The following MAGI1 variants were observed in gnomAD, a reference collection of about 807,000 sequenced individuals.
MAGI1 encodes membrane-associated guanylate kinase, WW and PDZ domain-containing protein 1.
A neutral mutation model predicts 139.9 loss-of-function variants in MAGI1; 58 were observed. The ratio of observed to expected loss-of-function variants is 0.41; its 90% CI spans 0.34 to 0.52. MAGI1 has a LOEUF of 0.52. MAGI1 is among the 20% of genes least tolerant of loss of function. The probability of loss-of-function intolerance (pLI) is 0.12; values close to 1 mark genes in which losing one functional copy is unlikely to be tolerated. For missense variants in MAGI1, 1,874 were observed against 1,901.6 expected (o/e 0.99, Z 0.27); for synonymous variants, 812 against 737.9 (o/e 1.10, Z -1.63).
At chr3:66,015,499 T>C (rs2107526016) in intron 1 of MAGI1, among the ~76,000 whole-genome samples, 1 of 152,258 alleles carries the variant, frequency 6.6e-6, no homozygotes, top group Middle Eastern at 3.4e-3. Flanking sequence ...CTCAATTTCC[T>C]ACTCTCAAAA....
chr3:65,956,003 C>T (rs1001758117), intron 1 of MAGI1, among the ~76,000 whole-genome samples: 2 of 151,982 alleles, frequency 1.3e-5, no homozygotes. Flanking sequence ...AGCCCTGGGC[C>T]GAAGGAGTGT....
At chr3:65,593,967 T>A (rs777227147) in intron 2 of MAGI1, among the ~76,000 whole-genome samples, 14 of 152,146 alleles carry the variant, frequency 9.2e-5, no homozygotes, top group Non-Finnish European at 1.5e-5. Flanking sequence ...GCCTGATGAG[T>A]CACTTTCAAG....
In MAGI1 at chr3:65,621,960, C is replaced by CCGACTACTTA; in HGVS notation, c.430+11_430+12insTAAGTAGTCG. On this transcript the variant is annotated intron_variant, in intron 2 of 22. Transcript: ENST00000402939. ...ACACACAGCAGTGAGATGCCAAAGT[C>CCGACTACTTA]CAACTACTTACAAGGCACAGCATGG... The CCGACTACTTA allele has an allele frequency of 6.3e-7, 1 of 1,578,804 alleles. No homozygotes were observed. The highest frequency in any genetic ancestry group is 1.1e-5 in the South Asian group (1 of 90,144).
chr3:66,022,904 T>C lies in MAGI1; in HGVS notation c.313+15092A>G, dbSNP rs139149377. Among the ~76,000 whole-genome samples, 715 of 152,362 alleles carry C rather than the reference T, an allele frequency of 4.7e-3. 4 individuals are homozygous for C. The highest frequency in any genetic ancestry group is 0.016 in the African/African-American group (676 of 41,572). On this transcript the variant is annotated intron_variant, in intron 1 of 22. Transcript: ENST00000402939. ...TTAACTGTGCATTTGCACTGTGACA[T>C]GGCTAAACTCTTTAACAAAGACGAA...
intron 2 of MAGI1, among the ~76,000 whole-genome samples, chr3:65,527,172 C>A (rs2078425156): frequency 6.6e-6 from 1 of 152,210 alleles, no homozygotes; most frequent in African/African-American, 2.4e-5. Context: ...CCAGTGGCTC[C>A]TTTTAGGAAG....
chr3:65,574,432 C>A (rs2081090942), intron 2 of MAGI1, among the ~76,000 whole-genome samples: 1 of 145,492 alleles, frequency 6.9e-6, no homozygotes. Flanking sequence ...ATGTAAATGA[C>A]CTGCATAGAA....
At chr3:65,607,105 A>G (rs79605273) in intron 2 of MAGI1, among the ~76,000 whole-genome samples, 5,747 of 152,026 alleles carry the variant, frequency 0.038, 173 homozygotes, top group African/African-American at 0.085. Flanking sequence ...AAATATATGT[A>G]CATGTTAAAT....
chr3:66,000,033 C>T (rs2066660413), intron 1 of MAGI1, among the ~76,000 whole-genome samples: 2 of 134,406 alleles, frequency 1.5e-5, no homozygotes, highest in African/African-American at 5.6e-5. Context: ...AGTGCAGTGG[C>T]GCGAACTAGG....
intron 4 of MAGI1, among the ~76,000 whole-genome samples, chr3:65,472,624 G>A (rs1321517880): frequency 6.6e-6 from 1 of 152,190 alleles, no homozygotes; most frequent in Non-Finnish European, 1.5e-5. Flanking sequence ...GACAGGTGTT[G>A]CCCTGCCGCC....
At chr3:65,433,626 C>T (rs1559550509) in intron 10 of MAGI1, among the ~76,000 whole-genome samples, 1 of 152,024 alleles carries the variant, frequency 6.6e-6, no homozygotes, top group African/African-American at 2.4e-5. Context: ...CAGTCACCAG[C>T]GGTAAGACTT....
At chr3:65,708,134 G>A (rs1454282049) in intron 1 of MAGI1, among the ~76,000 whole-genome samples, 1 of 152,106 alleles carries the variant, frequency 6.6e-6, no homozygotes, top group Non-Finnish European at 1.5e-5. Context: ...GAATCAACCT[G>A]ACAAAGCCAA....
chr3:65,555,763 C>G (rs1478439215), intron 2 of MAGI1, among the ~76,000 whole-genome samples: 2 of 152,132 alleles, frequency 1.3e-5, no homozygotes, highest in African/African-American at 4.8e-5. Flanking sequence ...GAGGCTGAGG[C>G]AGGAGAATCG....
chr3:65,742,868 A>G (rs1310571821), intron 1 of MAGI1, among the ~76,000 whole-genome samples: 1 of 152,236 alleles, frequency 6.6e-6, no homozygotes, highest in Admixed American at 6.5e-5. Flanking sequence ...TGTTAATTGC[A>G]GAAACCTGCT....
intron 2 of MAGI1, among the ~76,000 whole-genome samples, chr3:65,598,419 G>T (rs962456506): frequency 2.6e-5 from 4 of 152,188 alleles, no homozygotes; most frequent in Non-Finnish European, 5.9e-5. Context: ...CTTGGTTAGG[G>T]ATACAACCCT....
chr3:66,025,116 T>C (rs1395025735), intron 1 of MAGI1, among the ~76,000 whole-genome samples: 2 of 152,238 alleles, frequency 1.3e-5, no homozygotes, highest in Non-Finnish European at 2.9e-5. Flanking sequence ...CAATATGTTA[T>C]ATAAAAGAGA....
chr3:65,729,243 ATC>A (rs1443450067), intron 1 of MAGI1, among the ~76,000 whole-genome samples: 1 of 151,748 alleles, frequency 6.6e-6, no homozygotes, highest in African/African-American at 2.4e-5. Context: ...TCACTCCAAA[ATC>A]TCTATTACAT....
At chr3:65,676,356 T>C (rs2107490772) in intron 1 of MAGI1, among the ~76,000 whole-genome samples, 1 of 152,260 alleles carries the variant, frequency 6.6e-6, no homozygotes, top group African/African-American at 2.4e-5. Flanking sequence ...AGCATGAAAA[T>C]ACATAGAGCA....
intron 3 of MAGI1, among the ~76,000 whole-genome samples, chr3:65,486,048 G>C (rs1413221737): frequency 6.6e-6 from 1 of 152,098 alleles, no homozygotes; most frequent in East Asian, 1.9e-4. Flanking sequence ...CTGCTTCTAA[G>C]GCCTGCCAAA....
At chr3:65,790,663 A>G (rs1048532379) in intron 1 of MAGI1, among the ~76,000 whole-genome samples, 2 of 152,224 alleles carry the variant, frequency 1.3e-5, no homozygotes, top group Non-Finnish European at 2.9e-5. Context: ...TCAAGCTAAT[A>G]AAGTGGGAAA....
Sources: gnomAD v4.1 joint callset for allele counts (sites outside exome capture counted in the v4.1 genomes callset) on GRCh38, gnomAD v4.1.1 for gene constraint, MANE v1.5 for transcripts, NCBI Gene and HGNC (gene_info 2026-07-23, HGNC 2026-07-21) for gene names.